APBA2: variants seen among roughly 807,000 people sequenced by gnomAD.
APBA2 encodes amyloid-beta A4 precursor protein-binding family A member 2.
Under a neutral mutation model 75.0 loss-of-function variants are expected in APBA2, and 30 were observed. That is an observed-to-expected ratio of 0.40 (90% confidence interval 0.30 to 0.54). The LOEUF is 0.54. Among genes scored for constraint, APBA2 ranks in the 20% least tolerant of loss-of-function variants. The pLI, the probability that APBA2 is intolerant of heterozygous loss-of-function variation, is 0.49. For missense variants in APBA2, 801 were observed against 1,016.1 expected (o/e 0.79, Z 2.88); for synonymous variants, 444 against 409.6 (o/e 1.08, Z -1.01).
chr15:29,045,372 G>A (rs899042745), intron 3 of APBA2, among the ~76,000 whole-genome samples: 2 of 151,238 alleles, frequency 1.3e-5, no homozygotes, highest in African/African-American at 4.9e-5. Context: ...TTACAGGCAT[G>A]AGCCACCACG....
chr15:28,955,292 C>T (rs142706162), intron 2 of APBA2, among the ~76,000 whole-genome samples: 33 of 152,174 alleles, frequency 2.2e-4, no homozygotes, highest in African/African-American at 7.7e-4. Context: ...GGCGATCTGC[C>T]TGTGGGTCCC....
At chr15:29,103,410 A>G (rs1001540093) in intron 10 of APBA2, among the ~76,000 whole-genome samples, 9 of 152,308 alleles carry the variant, frequency 5.9e-5, no homozygotes, top group African/African-American at 2.2e-4. Context: ...TCCTGGACTC[A>G]CAGCAGTGAA....
In APBA2 at chr15:28,986,190, C is replaced by T. The variant is rs150382783; in HGVS notation, c.-94-9563C>T. ...CTCCTGGAGGAGAGAAGCCATTCCCCGATCACCCAAAAGGACAAAGTATGT... is the reference window on the plus strand; with the variant it reads ...CTCCTGGAGGAGAGAAGCCATTCCCTGATCACCCAAAAGGACAAAGTATGT... On this transcript the variant is annotated intron_variant, in intron 2 of 14. Coordinates refer to ENST00000683413, the MANE Select transcript of APBA2 (RefSeq NM_001353788.2). Among the ~76,000 whole-genome samples, 1,069 of 152,322 alleles carry T rather than the reference C, an allele frequency of 7.0e-3. 13 individuals carry two copies. Among genetic ancestry groups the T allele is most frequent in the Non-Finnish European group, 7.7e-3 (527 of 68,034 alleles).
At chr15:28,894,836 G>A (rs1043795851) in intron 1 of APBA2, among the ~76,000 whole-genome samples, 1 of 152,022 alleles carries the variant, frequency 6.6e-6, no homozygotes, top group Admixed American at 6.5e-5. Context: ...CTAGAGGCGA[G>A]GGGAGGGTGC....
In APBA2 at chr15:28,924,582, C is replaced by T. The variant is rs766638832; in HGVS notation, c.-95+2833C>T. ...TTTATGTGGATGACCCATGTTGCAA[C>T]ATGTGTCAGAACTTCAGTCCTTTCT... On this transcript the variant is annotated intron_variant, in intron 2 of 14. Transcript: ENST00000683413. Among the ~76,000 whole-genome samples the T allele has an allele frequency of 4.6e-5, 7 of 152,298 alleles. No homozygotes were observed. In the East Asian group the frequency reaches 1.2e-3, roughly 25 times the overall value.
At chr15:28,984,763 C>T (rs180759485) in intron 2 of APBA2, among the ~76,000 whole-genome samples, 1 of 150,826 alleles carries the variant, frequency 6.6e-6, no homozygotes, top group South Asian at 2.1e-4. Context: ...TCTCCCCCCC[C>T]ACCCCACTGC....
chr15:29,014,905 T>G (rs1240710111), intron 3 of APBA2, among the ~76,000 whole-genome samples: 3 of 152,060 alleles, frequency 2.0e-5, no homozygotes, highest in African/African-American at 7.2e-5. Context: ...TCTACATGTG[T>G]TTTTTCCTGT....
intron 3 of APBA2, among the ~76,000 whole-genome samples, chr15:29,040,997 C>T (rs12439789): frequency 0.21 from 31,998 of 148,932 alleles, 4,245 homozygotes; most frequent in East Asian, 0.45. Context: ...CTGAAATTAA[C>T]AGAAACATAG....
At chr15:28,959,813 G>A (rs768582948) in intron 2 of APBA2, among the ~76,000 whole-genome samples, 6 of 152,150 alleles carry the variant, frequency 3.9e-5, no homozygotes, top group Admixed American at 3.3e-4. Flanking sequence ...GACACTCTAC[G>A]GAAACTGGAA....
At chr15:29,113,351 C>CG (rs143602819) in intron 13 of APBA2, among the ~76,000 whole-genome samples, 9,066 of 150,216 alleles carry the variant, frequency 0.06, 467 homozygotes, top group African/African-American at 0.14. Flanking sequence ...CGTCACTTGG[C>CG]GGGGGGGGGA....
intron 2 of APBA2, among the ~76,000 whole-genome samples, chr15:28,978,519 G>T (rs2037458460): frequency 2.6e-5 from 4 of 152,248 alleles, no homozygotes; most frequent in Admixed American, 2.6e-4. Context: ...GAGTCCAGCT[G>T]CTGGGCTGTG....
chr15:28,949,160 G>T (rs890066765), intron 2 of APBA2, among the ~76,000 whole-genome samples: 2 of 151,956 alleles, frequency 1.3e-5, no homozygotes, highest in African/African-American at 4.8e-5. Flanking sequence ...GTCCGTTCAT[G>T]TGCCGTTGTT....
chr15:29,098,638 C>G, intron 9 of APBA2, 62 bp downstream of exon 9: 1 of 1,355,292 alleles, frequency 7.4e-7, no homozygotes, highest in Admixed American at 1.7e-5. Context: ...CCTTCTTGTC[C>G]CATGGTATAG....
chr15:29,089,039 C>T (rs2043426511), intron 6 of APBA2, among the ~76,000 whole-genome samples: 1 of 152,230 alleles, frequency 6.6e-6, no homozygotes, highest in Non-Finnish European at 1.5e-5. Context: ...AATTCCTCAC[C>T]AGAGCAGCCT....
At chr15:28,994,409 C>T (rs2038397754) in intron 2 of APBA2, among the ~76,000 whole-genome samples, 1 of 152,100 alleles carries the variant, frequency 6.6e-6, no homozygotes, top group African/African-American at 2.4e-5. Flanking sequence ...ATCTGTGAAG[C>T]ACCATGTTGC....
At chr15:28,973,035 G>A (rs765339352) in intron 2 of APBA2, among the ~76,000 whole-genome samples, 1 of 152,112 alleles carries the variant, frequency 6.6e-6, no homozygotes, top group Non-Finnish European at 1.5e-5. Context: ...CCAAGTATAC[G>A]ATCAGCCCCT....
intron 6 of APBA2, among the ~76,000 whole-genome samples, chr15:29,085,457 G>A (rs954363591): frequency 2.0e-5 from 3 of 150,898 alleles, no homozygotes; most frequent in African/African-American, 4.9e-5. Context: ...CCCGGGAGGC[G>A]GAGCTTGCAG....
chr15:29,038,392 G>A (rs1240317767), intron 3 of APBA2, among the ~76,000 whole-genome samples: 2 of 152,192 alleles, frequency 1.3e-5, no homozygotes, highest in Non-Finnish European at 2.9e-5. Flanking sequence ...GAAACCGTAG[G>A]TCATCCTTGA....
At chr15:29,103,864 C>T (rs1226675843) in intron 10 of APBA2, among the ~76,000 whole-genome samples, 2 of 152,210 alleles carry the variant, frequency 1.3e-5, no homozygotes, top group Non-Finnish European at 2.9e-5. Flanking sequence ...GCGGGCGCTG[C>T]CCCCGGCCCT....
Sources: gnomAD v4.1 joint callset for allele counts (sites outside exome capture counted in the v4.1 genomes callset) on GRCh38, gnomAD v4.1.1 for gene constraint, MANE v1.5 for transcripts, NCBI Gene and HGNC (gene_info 2026-07-23, HGNC 2026-07-21) for gene names.